GSDMC: variants seen among roughly 807,000 people sequenced by gnomAD.
The protein encoded by GSDMC is gasdermin-C.
Under a neutral mutation model 58.0 loss-of-function variants are expected in GSDMC, and 59 were observed. That is an observed-to-expected ratio of 1.02 (90% confidence interval 0.82 to 1.26). The LOEUF is 1.26. Ranked by LOEUF, GSDMC falls within the 50% of genes most tolerant of loss-of-function variation. The pLI, the probability that GSDMC is intolerant of heterozygous loss-of-function variation, is 0.00. For missense variants in GSDMC, 659 were observed against 598.5 expected, an observed-to-expected ratio of 1.10 and a Z score of -1.06; for synonymous variants, 241 against 220.2, an observed-to-expected ratio of 1.09 and a Z score of -0.83.
chr8:129,706,955 G>A, the GSDMC span: 1 of 152,160 alleles, frequency 6.6e-6, no homozygotes. Flanking sequence ...CACTGTGCTA[G>A]GTTCTGGAAA....
At chr8:129,720,201 T>C in the GSDMC span, among the ~76,000 whole-genome samples, 9,791 of 152,160 alleles carry the variant, frequency 0.064, 541 homozygotes, top group East Asian at 0.25. Flanking sequence ...CTTCCCAATA[T>C]ACAAATCAGA....
the GSDMC span, chr8:129,729,034 C>A: frequency 1.5e-6 from 1 of 646,334 alleles, no homozygotes. Context: ...AGGAAATGTG[C>A]AGAGAATGAA....
rs71570500 is a variant in GSDMC, at chr8:129,757,167, T to TA, written c.721+3377dup. Among the ~76,000 whole-genome samples, 903 of 124,876 alleles carry TA rather than the reference T, an allele frequency of 7.2e-3. 9 individuals carry two copies. Among genetic ancestry groups the TA allele is most frequent in the African/African-American group, 0.023 (774 of 33,942 alleles). The allele number at this position is 124,876 out of a possible 152,430, so 81.9% of individuals were successfully genotyped here. On this transcript the variant is annotated intron_variant, in intron 6 of 13. Coordinates refer to ENST00000276708, the MANE Select transcript of GSDMC (RefSeq NM_031415.3). ...ATTGACAAAACTTTAGCCAGAACAA[T>TA]AAAAAAAAAAATGGAGAGGACGCAA...
At chr8:129,769,351 A>C (rs921727361) in intron 3 of GSDMC, among the ~76,000 whole-genome samples, 1 of 152,222 alleles carries the variant, frequency 6.6e-6, no homozygotes, top group Non-Finnish European at 1.5e-5. Flanking sequence ...AATCTGGCTA[A>C]GAAAGGATGA....
the GSDMC span, among the ~76,000 whole-genome samples, chr8:129,719,627 A>G: frequency 1.3e-5 from 2 of 152,206 alleles, no homozygotes; most frequent in Non-Finnish European, 2.9e-5. Context: ...ATTTTGGGTC[A>G]CAAAATAACT....
chr8:129,759,499 G>C (rs2033573479), intron 6 of GSDMC, among the ~76,000 whole-genome samples: 2 of 152,064 alleles, frequency 1.3e-5, no homozygotes, highest in African/African-American at 4.8e-5. Context: ...TATTTAAGAA[G>C]CTCAAATGAC....
intron 3 of GSDMC, among the ~76,000 whole-genome samples, chr8:129,766,185 C>T (rs1034520309): frequency 1.3e-5 from 2 of 152,042 alleles, no homozygotes; most frequent in Non-Finnish European, 2.9e-5. Flanking sequence ...GTATTCACAC[C>T]GAACGTGTCA....
chr8:129,710,784 C>A, the GSDMC span, among the ~76,000 whole-genome samples: 27 of 152,110 alleles, frequency 1.8e-4, no homozygotes, highest in Non-Finnish European at 3.5e-4. Flanking sequence ...GCTATTAACC[C>A]AAGGCTCATG....
intron 6 of GSDMC, among the ~76,000 whole-genome samples, chr8:129,755,185 G>C: frequency 6.6e-6 from 1 of 152,082 alleles, no homozygotes; most frequent in East Asian, 1.9e-4. Flanking sequence ...AACTCTCAAA[G>C]ATCAAGGATA....
At chr8:129,708,414 G>C in the GSDMC span, among the ~76,000 whole-genome samples, 2 of 152,240 alleles carry the variant, frequency 1.3e-5, no homozygotes, top group African/African-American at 4.8e-5. Context: ...ATGCGGCTCT[G>C]TCTCCCTGCA....
chr8:129,759,504 A>G (rs2033573861), intron 6 of GSDMC, among the ~76,000 whole-genome samples: 1 of 152,230 alleles, frequency 6.6e-6, no homozygotes, highest in South Asian at 2.1e-4. Context: ...AAGAAGCTCA[A>G]ATGACTATAT....
chr8:129,739,477 G>T, the GSDMC span, among the ~76,000 whole-genome samples: 2 of 152,232 alleles, frequency 1.3e-5, no homozygotes, highest in Non-Finnish European at 2.9e-5. Flanking sequence ...TTGTTTTCTT[G>T]CTATTGAGTT....
At chr8:129,740,125 A>G in the GSDMC span, among the ~76,000 whole-genome samples, 1 of 152,236 alleles carries the variant, frequency 6.6e-6, no homozygotes, top group Non-Finnish European at 1.5e-5. Context: ...AATGTTATGT[A>G]CAGCTTTAGA....
chr8:129,756,686 A>C (rs1052593838), intron 6 of GSDMC, among the ~76,000 whole-genome samples: 1 of 152,208 alleles, frequency 6.6e-6, no homozygotes, highest in Non-Finnish European at 1.5e-5. Flanking sequence ...ATTCCAAAAT[A>C]TTGAAATAAT....
intron 6 of GSDMC, among the ~76,000 whole-genome samples, chr8:129,755,203 G>A (rs145440685): frequency 6.6e-6 from 1 of 152,060 alleles, no homozygotes; most frequent in East Asian, 1.9e-4. Context: ...ATAAAGAAAG[G>A]ATCTTAAAGC....
At chr8:129,711,302 T>C in the GSDMC span, among the ~76,000 whole-genome samples, 13 of 152,194 alleles carry the variant, frequency 8.5e-5, no homozygotes, top group African/African-American at 1.2e-4. Context: ...TCTAGTTGAA[T>C]TGATGGCAGC....
intron 3 of GSDMC, among the ~76,000 whole-genome samples, chr8:129,775,736 CTTAAATTAACACTTTGTTAATTTAT>C (rs2034203305): frequency 1.3e-5 from 2 of 152,174 alleles, no homozygotes; most frequent in Non-Finnish European, 2.9e-5. Context: ...CTTTGTCTCA[CTTAAATTAACACTTTGTTAATTTAT>C]TTTTTATTGC....
intron 3 of GSDMC, among the ~76,000 whole-genome samples, chr8:129,772,437 G>A (rs767238205): frequency 7.9e-5 from 12 of 151,880 alleles, no homozygotes; most frequent in Non-Finnish European, 1.6e-4. Flanking sequence ...TAGTTAAAAG[G>A]AGACATTACA....
chr8:129,761,929 G>T (rs563317241), intron 5 of GSDMC, among the ~76,000 whole-genome samples: 30 of 152,310 alleles, frequency 2.0e-4, no homozygotes, highest in African/African-American at 5.5e-4. Context: ...GAGAGTGAGT[G>T]TGGGAGAAGG....
Sources: allele counts gnomAD v4.1 joint callset (sites outside exome capture counted in the v4.1 genomes callset), GRCh38; gene constraint gnomAD v4.1.1; transcripts MANE v1.5; gene names NCBI Gene and HGNC (gene_info 2026-07-23, HGNC 2026-07-21).